Variants in QTMAN observed in about 807,000 individuals in gnomAD.
QTMAN encodes queuosine-tRNA mannosyltransferase, also known as tRNA-queuosine alpha-mannosyltransferase.
chr2:144,327,830 G>C, the QTMAN span, among the ~76,000 whole-genome samples: 1 of 152,124 alleles, frequency 6.6e-6, no homozygotes, highest in African/African-American at 2.4e-5. Flanking sequence ...ACATGCTTAA[G>C]ACAAGGTTCC....
chr2:144,007,339 A>T, the QTMAN span: 1 of 1,613,346 alleles, frequency 6.2e-7, no homozygotes, highest in Non-Finnish European at 8.5e-7. Flanking sequence ...TCCTGTCTTA[A>T]TGAGTTACCC....
the QTMAN span, among the ~76,000 whole-genome samples, chr2:144,323,516 C>T: frequency 5.3e-5 from 8 of 152,018 alleles, no homozygotes; most frequent in Admixed American, 4.6e-4. Flanking sequence ...AACAGCAGGG[C>T]AAATGTCAAA....
the QTMAN span, among the ~76,000 whole-genome samples, chr2:144,030,394 A>G: frequency 2.0e-5 from 3 of 152,174 alleles, no homozygotes; most frequent in African/African-American, 7.2e-5. Context: ...TCCCTAAGAC[A>G]CTTTTTCTGA....
At chr2:144,001,525 G>A in the QTMAN span, among the ~76,000 whole-genome samples, 3 of 151,846 alleles carry the variant, frequency 2.0e-5, no homozygotes, top group South Asian at 2.1e-4. Context: ...GAAGAGCTTT[G>A]ATAATTTCCC....
the QTMAN span, chr2:144,208,653 C>G: frequency 1.2e-6 from 2 of 1,613,732 alleles, no homozygotes; most frequent in African/African-American, 2.7e-5. Context: ...AAGCAGATGT[C>G]CGGGCTCTCC....
the QTMAN span, among the ~76,000 whole-genome samples, chr2:144,019,480 GTGTA>G: frequency 1.0e-2 from 1,365 of 136,590 alleles, 28 homozygotes; most frequent in African/African-American, 0.036. Flanking sequence ...GTGTGTGTGT[GTGTA>G]TGTAGTTTTA....
the QTMAN span, among the ~76,000 whole-genome samples, chr2:144,231,843 GGTGTGT>G: frequency 0.061 from 8,495 of 138,350 alleles, 359 homozygotes; most frequent in African/African-American, 0.11. Context: ...GAATGAAAGA[GGTGTGT>G]GTGTGTGTGT....
chr2:144,146,151 G>A, the QTMAN span, among the ~76,000 whole-genome samples: 4 of 149,650 alleles, frequency 2.7e-5, no homozygotes, highest in Non-Finnish European at 4.5e-5. Context: ...ACCAACTACT[G>A]AAATTCAATG....
the QTMAN span, among the ~76,000 whole-genome samples, chr2:144,278,408 G>A: frequency 2.0e-5 from 3 of 152,100 alleles, no homozygotes; most frequent in African/African-American, 4.8e-5. Flanking sequence ...CTAAAATTCT[G>A]TAGTATGAAA....
chr2:144,260,093 A>T, the QTMAN span, among the ~76,000 whole-genome samples: 4 of 152,208 alleles, frequency 2.6e-5, no homozygotes, highest in Admixed American at 2.6e-4. Context: ...AACTTTTAAA[A>T]TGAAATGATC....
chr2:144,284,669 G>A, the QTMAN span, among the ~76,000 whole-genome samples: 1 of 152,012 alleles, frequency 6.6e-6, no homozygotes, highest in Admixed American at 6.6e-5. Flanking sequence ...AAGGTATTAA[G>A]GCATTTATTA....
chr2:144,243,221 A>G, the QTMAN span, among the ~76,000 whole-genome samples: 1 of 152,224 alleles, frequency 6.6e-6, no homozygotes, highest in African/African-American at 2.4e-5. Flanking sequence ...GAAAAACTGC[A>G]AGGTACAATG....
chr2:143,983,050 T>A, the QTMAN span, among the ~76,000 whole-genome samples: 10 of 152,146 alleles, frequency 6.6e-5, no homozygotes, highest in African/African-American at 2.4e-4. Flanking sequence ...TGTATATTTT[T>A]AAATCAGAAT....
the QTMAN span, among the ~76,000 whole-genome samples, chr2:144,181,123 G>C: frequency 6.6e-6 from 1 of 152,162 alleles, no homozygotes; most frequent in African/African-American, 2.4e-5. Context: ...CTAAGCTTTA[G>C]CTTCTGTTTC....
chr2:143,968,696 C>G, the QTMAN span, among the ~76,000 whole-genome samples: 1 of 152,166 alleles, frequency 6.6e-6, no homozygotes, highest in African/African-American at 2.4e-5. Context: ...CACCTCAAGG[C>G]TGGTACAAAC....
At chr2:144,119,793 CTT>C in the QTMAN span, among the ~76,000 whole-genome samples, 2 of 152,110 alleles carry the variant, frequency 1.3e-5, no homozygotes, top group African/African-American at 4.8e-5. Context: ...ATACTCTTCT[CTT>C]CTTTTTTCTT....
the QTMAN span, among the ~76,000 whole-genome samples, chr2:144,220,886 A>G: frequency 6.6e-6 from 1 of 152,224 alleles, no homozygotes; most frequent in Admixed American, 6.5e-5. Context: ...ATCCTCTTGC[A>G]TTACCCTTGT....
At chr2:144,314,568 C>G in the QTMAN span, among the ~76,000 whole-genome samples, 6 of 152,032 alleles carry the variant, frequency 3.9e-5, no homozygotes, top group Admixed American at 2.0e-4. Flanking sequence ...AAAAAATTAG[C>G]CGGGCATGGT....
the QTMAN span, chr2:144,177,050 C>A: frequency 1.4e-5 from 9 of 666,618 alleles, no homozygotes; most frequent in Non-Finnish European, 2.4e-5. Flanking sequence ...TTAAAACAGC[C>A]AGATTTCATA....
Sources: gnomAD v4.1 joint callset for allele counts (sites outside exome capture counted in the v4.1 genomes callset) on GRCh38, gnomAD v4.1.1 for gene constraint, MANE v1.5 for transcripts, NCBI Gene and HGNC (gene_info 2026-07-23, HGNC 2026-07-21) for gene names.